The following PNKP variants were observed in gnomAD, a reference collection of about 807,000 sequenced individuals.
The protein encoded by PNKP is polynucleotide kinase 3'-phosphatase.
PNKP carries 82 observed loss-of-function variants against 66.2 expected under a neutral mutation model. That is an observed-to-expected ratio of 1.24 (90% CI 1.04 to 1.49). PNKP has a LOEUF of 1.49. PNKP is among the 40% of genes most tolerant of loss of function. The pLI is 0.00. For synonymous variants in PNKP, 412 were observed against 298.9 expected, an observed-to-expected ratio of 1.38 and a Z score of -3.90; for missense variants, 907 against 706.8, an observed-to-expected ratio of 1.28 and a Z score of -3.21.
rs1443873131 is a variant in PNKP at position 49,861,497 on chromosome 19, G to GTCATC, written c.1395_1399dup (p.Thr467ArgfsTer2). ...TGACACGGGGATATGAGAGGAGTCC[G>GTCATC]TCATCTCTCGAAACTGTGGGGAACA... is the stretch of plus-strand genomic sequence containing the variant. On this transcript the variant is annotated stop_gained and frameshift_variant, in exon 16 of 17. Coordinates refer to ENST00000322344, the MANE Select transcript of PNKP (RefSeq NM_007254.4). LOFTEE classifies it low-confidence loss of function (END_TRUNC). The GTCATC allele has an allele frequency of 7.5e-6, 12 of 1,606,918 alleles. No individual in the cohort carries two copies. Among genetic ancestry groups the GTCATC allele is most frequent in the African/African-American group, 1.3e-5 (1 of 74,096 alleles).
At chr19:49,863,229 C>T (rs1468122443) in intron 8 of PNKP, among the ~76,000 whole-genome samples, 1 of 152,196 alleles carries the variant, frequency 6.6e-6, no homozygotes, top group Non-Finnish European at 1.5e-5. Flanking sequence ...ACCTGGCTCC[C>T]TCCTTTCCCT....
chr19:49,862,940 C>T (rs369786042), intron 8 of PNKP: 3 of 673,056 alleles, frequency 4.5e-6, no homozygotes, highest in East Asian at 2.7e-5. Flanking sequence ...CCCCTCCCTC[C>T]AGGTCTCCCG....
At chr19:49,866,551 G>A (rs2074822209) in intron 2 of PNKP, 106 bp from the exon 3 acceptor site, 1 of 1,080,884 alleles carries the variant, frequency 9.3e-7, no homozygotes, top group Admixed American at 1.7e-5. Context: ...GGGAGTAAGA[G>A]GCAGTTTATT....
chr19:49,861,783 CGCG>C lies in PNKP; in HGVS notation c.1284_1286del (p.Ala429del). ...CGCGGTCACGCTACCTGGCGCGGCT[CGCG>C]GCGTCTGGGTTTGTGTTGTCGATGG... On this transcript the variant is annotated inframe_deletion, in exon 14 of 17. Coordinates refer to ENST00000322344, the MANE Select transcript of PNKP (RefSeq NM_007254.4). The C allele has an allele frequency of 3.2e-6, 5 of 1,565,958 alleles. No homozygotes were observed. Among genetic ancestry groups the C allele is most frequent in the Non-Finnish European group, 4.3e-6 (5 of 1,158,164 alleles).
chr19:49,861,756 CCCGCGGTCACGCTACCTG>C lies in PNKP; in HGVS notation c.1296_1298+15del. ...CACCCCGCCGCAGGCCACCTACGGC[CCCGCGGTCACGCTACCTG>C]GCGCGGCTCGCGGCGTCTGGGTTTG... On this transcript the variant is annotated splice_donor_variant and splice_donor_5th_base_variant and coding_sequence_variant and intron_variant, in exon 14 of 17. Coordinates refer to ENST00000322344, the MANE Select transcript of PNKP (RefSeq NM_007254.4). LOFTEE classifies it high-confidence loss of function. 6.4e-7 allele frequency: 1 copy of C among 1,559,960 alleles called. No homozygotes were observed. Among genetic ancestry groups the C allele is most frequent in the Non-Finnish European group, 8.7e-7 (1 of 1,153,052 alleles).
Position 49,861,643 on chromosome 19 carries a change from TGAAGAG to T in PNKP, c.1345_1350del (p.Leu449_Phe450del). 1 of 1,550,010 alleles carries T rather than the reference TGAAGAG, an allele frequency of 6.5e-7. No homozygotes were observed. Among genetic ancestry groups the T allele is most frequent in the Non-Finnish European group, 8.7e-7 (1 of 1,147,576 alleles). On this transcript the variant is annotated inframe_deletion, in exon 15 of 17. Coordinates refer to ENST00000322344, the MANE Select transcript of PNKP (RefSeq NM_007254.4). Reference sequence around the variant, plus strand: ...TGGCGCGCCTGCTCCAGAGTGGCGGTGAAGAGGAAGCAGCGGCAGGGGACGCCCGCG... The same window carrying T: ...TGGCGCGCCTGCTCCAGAGTGGCGGTGAAGCAGCGGCAGGGGACGCCCGCG...
At chr19:49,864,448 T>C (rs1282479308) in intron 4 of PNKP, 45 bp from the exon 5 acceptor site, 1 of 1,436,054 alleles carries the variant, frequency 7.0e-7, no homozygotes, top group Non-Finnish European at 9.8e-7. Context: ...GTGATACCTC[T>C]GACCCTCCTC....
Position 49,862,670 on chromosome 19 carries a change from A to G in PNKP, c.865+20T>C, listed in dbSNP as rs921950177. 2.9e-5 allele frequency: 46 copies of G among 1,613,876 alleles called. No individual in the cohort carries two copies. The highest frequency in any genetic ancestry group is 3.9e-5 in the Non-Finnish European group (46 of 1,179,934). Reference sequence around the variant, plus strand: ...GAGGGAGGCGTCCCAGCCCACCCTCAGCAGCCTCCAGGCCCTTACCTCCCA... The same window carrying G: ...GAGGGAGGCGTCCCAGCCCACCCTCGGCAGCCTCCAGGCCCTTACCTCCCA... On this transcript the variant is annotated intron_variant, in intron 9 of 16. Coordinates refer to ENST00000322344, the MANE Select transcript of PNKP (RefSeq NM_007254.4).
chr19:49,861,271 A>ACAGC lies in PNKP; in HGVS notation c.1539_1542dup (p.Tyr515AlafsTer24). ...GCTCAGCCCTCGGAGAACTGGCAGT[A>ACAGC]CAGCCGCCCCAGCCTCGGCTCCACC... On this transcript the variant is annotated frameshift_variant, in exon 17 of 17. Transcript: ENST00000322344. LOFTEE classifies it high-confidence loss of function. 2 of 1,612,140 alleles carry ACAGC rather than the reference A, an allele frequency of 1.2e-6. No individual in the cohort carries two copies. Among genetic ancestry groups the ACAGC allele is most frequent in the Non-Finnish European group, 1.7e-6 (2 of 1,178,402 alleles).
At chr19:49,866,227 T>C (rs2074818704) in intron 3 of PNKP, 172 bp downstream of exon 3, 3 of 719,010 alleles carry the variant, frequency 4.2e-6, no homozygotes, top group Non-Finnish European at 5.1e-6. Context: ...CTCGAACTCC[T>C]GGGTTCAAGC....
chr19:49,866,637 G>C (rs2074822867), intron 2 of PNKP, 192 bp from the exon 3 acceptor site: 1 of 690,040 alleles, frequency 1.4e-6, no homozygotes, highest in East Asian at 2.7e-5. Flanking sequence ...GTCCTTGCAA[G>C]GGACAGGGAG....
chr19:49,861,396 C>T (rs753926807), intron 16 of PNKP, 31 bp from the exon 17 acceptor site: 10 of 1,614,016 alleles, frequency 6.2e-6, no homozygotes, highest in Middle Eastern at 3.3e-4. Context: ...GAGGGACAGC[C>T]TGGATCATGT....
chr19:49,862,950 G>A (rs1242624207), intron 8 of PNKP: 20 of 650,804 alleles, frequency 3.1e-5, no homozygotes, highest in Non-Finnish European at 5.3e-5. Context: ...CAGGTCTCCC[G>A]ACTTCACCTC....
rs756589726 is a variant in PNKP, at chr19:49,867,098, C to T, written c.107G>A (p.Gly36Glu). 2.5e-6 allele frequency: 4 copies of T among 1,613,608 alleles called. No homozygotes were observed. The Admixed American group carries it at 5.0e-5, about 20-fold the overall frequency. ...CCGGTCCGTAACCTGGGTCAGGGGTCCCCTGCCCAGGACCAGGGCTTGCCC... is the reference window on the plus strand; with the variant it reads ...CCGGTCCGTAACCTGGGTCAGGGGTTCCCTGCCCAGGACCAGGGCTTGCCC... ...SDGQALVLGRGPLTQVTDRKC... is the reference protein window; with the variant it reads ...SDGQALVLGREPLTQVTDRKC... Residue 36 changes from glycine to glutamate, a missense_variant, in exon 2 of 17, where the codon GGA (glycine) becomes GAA (glutamate). Gly to Glu is a moderately conservative substitution (Grantham distance 98). Coordinates refer to ENST00000322344, the MANE Select transcript of PNKP (RefSeq NM_007254.4).
At chr19:49,866,872 C>T (rs999507979) in intron 2 of PNKP, 182 bp downstream of exon 2, 10 of 689,974 alleles carry the variant, frequency 1.4e-5, no homozygotes, top group Non-Finnish European at 2.6e-5. Context: ...TCCCCTCTCC[C>T]CCAAAGGATC....
chr19:49,862,289 G>A lies in PNKP; in HGVS notation c.1030-8C>T. ...TGAGCGGGAGACAGTCCTCTGCGAG[G>A]GGCGGGGGACACGCGTGAGATGCCG... On this transcript the variant is annotated splice_polypyrimidine_tract_variant and splice_region_variant and intron_variant, in intron 11 of 16. Coordinates refer to ENST00000322344, the MANE Select transcript of PNKP (RefSeq NM_007254.4). The A allele has an allele frequency of 6.3e-7, 1 of 1,579,206 alleles. No homozygotes were observed.
At chr19:49,864,298 C>G in intron 5 of PNKP, 26 bp downstream of exon 5, 1 of 1,612,120 alleles carries the variant, frequency 6.2e-7, no homozygotes, top group Non-Finnish European at 8.5e-7. Flanking sequence ...AGGCCTCACT[C>G]ACTCCCTTGT....
chr19:49,864,008 C>T lies in PNKP; in HGVS notation c.700G>A (p.Ala234Thr). 6.2e-7 allele frequency: 1 copy of T among 1,614,074 alleles called. No homozygotes were observed. Among genetic ancestry groups the T allele is most frequent in the Non-Finnish European group, 8.5e-7 (1 of 1,180,030 alleles). ...RGKLPAEEFK[A>T]KVEAVVEKLG... ...TTCTCCACCACAGCCTCCACCTTGGCCTTGAACTCCTCGGCTGGCAGCTTC... is the reference window on the plus strand; with the variant it reads ...TTCTCCACCACAGCCTCCACCTTGGTCTTGAACTCCTCGGCTGGCAGCTTC... The change falls in exon 7 of 17, where the codon GCC becomes ACC. Residue 234 changes from alanine to threonine, a missense_variant. Transcript: ENST00000322344.
chr19:49,865,211 C>G lies in PNKP; in HGVS notation c.414G>C (p.Lys138Asn). ...AGCCGGGGTTTGACTTCCGCATACG[C>G]TTCTTCGGCAGCTCAGCATCTCTCT... Reference protein sequence around the residue: ...DEKRDAELPKKRMRKSNPGWE... With the variant: ...DEKRDAELPKNRMRKSNPGWE... Residue 138 changes from lysine (K) to asparagine (N), a missense_variant, in exon 4 of 17, where the codon AAG becomes AAC. Lys to Asn is a moderately conservative substitution (Grantham distance 94). Transcript: ENST00000322344. The G allele has an allele frequency of 6.2e-7, 1 of 1,614,238 alleles. No individual in the cohort carries two copies. The highest frequency in any genetic ancestry group is 8.5e-7 in the Non-Finnish European group (1 of 1,180,040).
Sources: gnomAD v4.1 joint callset for allele counts (sites outside exome capture counted in the v4.1 genomes callset) on GRCh38, gnomAD v4.1.1 for gene constraint, MANE v1.5 for transcripts, NCBI Gene and HGNC (gene_info 2026-07-23, HGNC 2026-07-21) for gene names.